CWF19L1: variants seen among roughly 807,000 people sequenced by gnomAD.
The protein encoded by CWF19L1 is CWF19-like protein 1.
A neutral mutation model predicts 69.7 loss-of-function variants in CWF19L1; 60 were observed. The ratio of observed to expected loss-of-function variants is 0.86; its 90% CI spans 0.70 to 1.07. The LOEUF (loss-of-function observed/expected upper bound fraction) is 1.07, where lower values mean the gene tolerates loss of function less well. Ranked by LOEUF, CWF19L1 falls within the 50% of genes least tolerant of loss-of-function variation. The pLI is 0.00. For synonymous variants in CWF19L1, 209 were observed against 222.2 expected, an observed-to-expected ratio of 0.94 and a Z score of 0.53; for missense variants, 591 against 638.9, an observed-to-expected ratio of 0.92 and a Z score of 0.81.
intron 9 of CWF19L1, 119 bp downstream of exon 9, chr10:100,245,680 G>T (rs962944293): frequency 2.8e-6 from 2 of 710,880 alleles, no homozygotes; most frequent in Non-Finnish European, 4.9e-6. Context: ...TGGTCCTAAT[G>T]ACTCATTGCA....
chr10:100,251,715 G>T (rs1305730728), intron 6 of CWF19L1, among the ~76,000 whole-genome samples: 2 of 151,980 alleles, frequency 1.3e-5, no homozygotes, highest in Admixed American at 6.6e-5. Context: ...GTTTCACCGT[G>T]TTGGCCAGGA....
In CWF19L1 at chr10:100,261,066, G is replaced by T. The variant is rs1402930739; in HGVS notation, c.109-22C>A. On this transcript the variant is annotated intron_variant, in intron 2 of 13. Transcript: ENST00000354105. ...GCAGCTAAAATGAGTTTTTTAAACA[G>T]ATATATGAGATTTTAAAATATCAAA... 6 of 1,514,534 alleles carry T rather than the reference G, an allele frequency of 4.0e-6. No homozygotes were observed. In the Middle Eastern group the frequency reaches 5.2e-4, roughly 131 times the overall value. 93.8% of individuals were successfully genotyped at this position (1,514,534 alleles called of 1,614,324 possible).
In CWF19L1 at chr10:100,233,180, A is replaced by AG; in HGVS notation, c.*46dup. On this transcript the variant is annotated 3_prime_UTR_variant, in exon 14 of 14. Transcript: ENST00000354105. ...ATTCTTTTAATTAAAAAAAAAAAAA[A>AG]GCTTTACTACTTCCTGTGGAGTTCA... 6.8e-7 allele frequency: 1 copy of AG among 1,480,868 alleles called. No homozygotes were observed. Among genetic ancestry groups the AG allele is most frequent in the Non-Finnish European group, 9.1e-7 (1 of 1,104,134 alleles). 91.7% of individuals were successfully genotyped at this position (1,480,868 alleles called of 1,614,324 possible). A position where few individuals can be genotyped will look rare whatever the true frequency, so the allele number is the denominator to read the frequency against.
chr10:100,239,240 A>G (rs1203716302), intron 10 of CWF19L1, among the ~76,000 whole-genome samples: 2 of 152,194 alleles, frequency 1.3e-5, no homozygotes. Context: ...AAACCAAAAC[A>G]TGCAAGAATG....
At chr10:100,259,137 G>T (rs1847310898) in intron 4 of CWF19L1, among the ~76,000 whole-genome samples, 1 of 150,358 alleles carries the variant, frequency 6.7e-6, no homozygotes, top group African/African-American at 2.5e-5. Flanking sequence ...GGAGTCGGAT[G>T]TTGCAGTAAG....
chr10:100,259,011 G>A (rs942234434), intron 4 of CWF19L1, among the ~76,000 whole-genome samples: 5 of 151,688 alleles, frequency 3.3e-5, no homozygotes, highest in Admixed American at 1.3e-4. Context: ...GACCATCCTG[G>A]CCAACATGGT....
Position 100,240,246 on chromosome 10 carries a change from C to T in CWF19L1, c.1045-2015G>A, listed in dbSNP as rs1846595150. 2.0e-5 allele frequency among the ~76,000 whole-genome samples: 3 copies of T among 152,184 alleles called. No homozygotes were observed. The South Asian group carries it at 6.2e-4, about 32-fold the overall frequency. On this transcript the variant is annotated intron_variant, in intron 10 of 13. Transcript: ENST00000354105. ...TGCAATAATTATTTTACACTCTCAG[C>T]AGCCCTTCCCCCTTTTTACTAATCT...
At position 100,233,245 on chromosome 10, in the gene CWF19L1, G is replaced by C. The variant is rs141165031; in HGVS notation, c.1599C>G (p.Asp533Glu). 6.2e-7 allele frequency: 1 copy of C among 1,613,186 alleles called. No homozygotes were observed. The highest frequency in any genetic ancestry group is 2.2e-5 in the East Asian group (1 of 44,844). The change falls in exon 14 of 14, where the codon GAC (aspartate) becomes GAG (glutamate). Residue 533 changes from aspartate to glutamate, a missense_variant. Asp to Glu is a conservative substitution (Grantham distance 45, BLOSUM62 2). This residue lies in a region of CWF19L1 where 458 missense variants were observed against 489.3 expected (regional missense o/e 0.94). Coordinates refer to ENST00000354105, the MANE Select transcript of CWF19L1 (RefSeq NM_018294.6). ...CTTTGTTTTAGTCATCCAGAGTAAAGTCATAGGGCTCAAAGTCTTTCCGGA... is the reference window on the plus strand; with the variant it reads ...CTTTGTTTTAGTCATCCAGAGTAAACTCATAGGGCTCAAAGTCTTTCCGGA... ...RRFRKDFEPYDFTLDD is the reference protein window; with the variant it reads ...RRFRKDFEPYEFTLDD
At chr10:100,246,226 C>T (rs1846814753) in intron 8 of CWF19L1, 1 of 266,954 alleles carries the variant, frequency 3.7e-6, no homozygotes. Flanking sequence ...TTTCTCTCAA[C>T]AGGGACATAG....
chr10:100,252,210 T>C (rs1031034265), intron 6 of CWF19L1, among the ~76,000 whole-genome samples: 4 of 152,148 alleles, frequency 2.6e-5, no homozygotes, highest in Admixed American at 2.0e-4. Context: ...CTTTAAGAAC[T>C]TGACCTCTAT....
rs776570534 is a variant in CWF19L1, at chr10:100,237,159, TGTG to T, written c.1255-193_1255-191del. 5.2e-6 allele frequency: 4 copies of T among 762,440 alleles called. No individual in the cohort carries two copies. In the South Asian group the frequency reaches 5.5e-5, roughly 11 times the overall value. The allele number at this position is 762,440 out of a possible 1,614,324, so 47.2% of individuals were successfully genotyped here. A position where few individuals can be genotyped will look rare whatever the true frequency, so the allele number is the denominator to read the frequency against. On this transcript the variant is annotated intron_variant, in intron 11 of 13. Transcript: ENST00000354105. ...TAAACTTATGAGATAGCCTGACACATGTGGGAGCCATTCTCTGATGCAGGAAAG... is the reference window on the plus strand; with the variant it reads ...TAAACTTATGAGATAGCCTGACACATGGAGCCATTCTCTGATGCAGGAAAG...
chr10:100,267,406 G>A lies in CWF19L1; in HGVS notation c.23+165C>T, dbSNP rs1433990357. ...AGAAGCGAAAAGGGCCAGGAAAAGAGGTCAGCCCCGGCCAGGCAAAGACAT... is the reference window on the plus strand; with the variant it reads ...AGAAGCGAAAAGGGCCAGGAAAAGAAGTCAGCCCCGGCCAGGCAAAGACAT... On this transcript the variant is annotated intron_variant, in intron 1 of 13. Coordinates refer to ENST00000354105, the MANE Select transcript of CWF19L1 (RefSeq NM_018294.6). 12 of 984,350 alleles carry A rather than the reference G, an allele frequency of 1.2e-5. No individual in the cohort carries two copies. In the South Asian group the frequency reaches 1.4e-4, roughly 12 times the overall value. 61.0% of individuals were successfully genotyped at this position (984,350 alleles called of 1,614,324 possible). A position where few individuals can be genotyped will look rare whatever the true frequency, so the allele number is the denominator to read the frequency against.
chr10:100,235,635 G>C (rs375734108), intron 13 of CWF19L1, 32 bp downstream of exon 13: 90 of 1,485,294 alleles, frequency 6.1e-5, no homozygotes, highest in Middle Eastern at 5.1e-4. Flanking sequence ...AGCAGGTCTA[G>C]TGAAAATACA....
At chr10:100,252,668 A>G (rs1190327411) in intron 6 of CWF19L1, among the ~76,000 whole-genome samples, 1 of 151,930 alleles carries the variant, frequency 6.6e-6, no homozygotes, top group Non-Finnish European at 1.5e-5. Flanking sequence ...CCCCGTCTCT[A>G]TTAAAAATAC....
intron 9 of CWF19L1, among the ~76,000 whole-genome samples, chr10:100,245,568 G>A (rs1391822835): frequency 6.6e-6 from 1 of 152,092 alleles, no homozygotes; most frequent in Non-Finnish European, 1.5e-5. Context: ...ATGTTGACAG[G>A]GATGTGGAAA....
rs766083296 is a variant in CWF19L1, at chr10:100,253,426, T to C, written c.618A>G (p.Pro206=). 5 of 1,577,392 alleles carry C rather than the reference T, an allele frequency of 3.2e-6. No homozygotes were observed. Among genetic ancestry groups the C allele is most frequent in the South Asian group, 2.2e-5 (2 of 90,144 alleles). ...ALEKTYYERL[P]YRNHIILQEN... ...AAGAATGAAATGCTACTCACCGATA[T>C]GGAAGCCTCTCATAATAGGTCTTTT... Residue 206 remains proline, a synonymous_variant, in exon 6 of 14, where the codon CCA becomes CCG. Coordinates refer to ENST00000354105, the MANE Select transcript of CWF19L1 (RefSeq NM_018294.6).
chr10:100,252,252 G>A (rs548061526), intron 6 of CWF19L1, among the ~76,000 whole-genome samples: 2 of 152,108 alleles, frequency 1.3e-5, no homozygotes, highest in Non-Finnish European at 2.9e-5. Flanking sequence ...TGGCTAACAC[G>A]GTGAAACCCT....
intron 8 of CWF19L1, 128 bp from the exon 9 acceptor site, chr10:100,246,041 A>C: frequency 1.5e-6 from 1 of 666,886 alleles, no homozygotes; most frequent in Non-Finnish European, 2.6e-6. Context: ...CTTTCTGCAC[A>C]CTCTAGGGAA....
intron 13 of CWF19L1, among the ~76,000 whole-genome samples, chr10:100,234,365 T>A (rs1475955231): frequency 1.3e-5 from 2 of 152,234 alleles, no homozygotes; most frequent in African/African-American, 2.4e-5. Flanking sequence ...TCTTGATAAT[T>A]ACTCAATATT....
Sources: gnomAD v4.1 joint callset for allele counts (sites outside exome capture counted in the v4.1 genomes callset) on GRCh38, gnomAD v4.1.1 for gene constraint, gnomAD v4.1.1 regional missense constraint, MANE v1.5 for transcripts, NCBI Gene and HGNC (gene_info 2026-07-23, HGNC 2026-07-21) for gene names.